ANKFN1: variants seen among roughly 807,000 people sequenced by gnomAD.
ANKFN1 encodes the protein ankyrin repeat and fibronectin type-III domain-containing protein 1.
A neutral mutation model predicts 108.7 loss-of-function variants in ANKFN1; 74 were observed. That is an observed-to-expected ratio of 0.68 (90% CI 0.56 to 0.83). The LOEUF is 0.83. Among genes scored for constraint, ANKFN1 ranks in the 40% least tolerant of loss-of-function variants. The pLI is 0.00. For missense variants in ANKFN1, 1,505 were observed against 1,382.3 expected (o/e 1.09, Z -1.41); for synonymous variants, 547 against 516.2 (o/e 1.06, Z -0.81).
At chr17:56,463,562 T>G (rs936452774) in intron 14 of ANKFN1, among the ~76,000 whole-genome samples, 3 of 152,248 alleles carry the variant, frequency 2.0e-5, no homozygotes, top group East Asian at 3.9e-4. Flanking sequence ...GCCCACATTG[T>G]TTTTCTTTCT....
chr17:56,165,667 T>G (rs577332277), intron 1 of ANKFN1, among the ~76,000 whole-genome samples: 1 of 152,064 alleles, frequency 6.6e-6, no homozygotes. Context: ...AGTTTTCATA[T>G]GGGTGTTTGG....
At chr17:56,401,373 G>GTATTGTATTGTATTGTA (rs1567974215) in intron 8 of ANKFN1, among the ~76,000 whole-genome samples, 31 of 23,742 alleles carry the variant, frequency 1.3e-3, no homozygotes, top group African/African-American at 1.9e-3. Context: ...ATTGTATTGT[G>GTATTGTATTGTATTGTA]TTGTGTTGTG....
chr17:56,086,632 G>C (rs1401615014), intron 4 of ANKFN1, among the ~76,000 whole-genome samples: 1 of 151,158 alleles, frequency 6.6e-6, no homozygotes, highest in African/African-American at 2.4e-5. Context: ...CCATATGTTG[G>C]AGATAATCCC....
At chr17:56,421,191 G>A (rs2048395954) in intron 8 of ANKFN1, among the ~76,000 whole-genome samples, 1 of 152,196 alleles carries the variant, frequency 6.6e-6, no homozygotes, top group Non-Finnish European at 1.5e-5. Context: ...CTCTGTGATA[G>A]CTAGGTTCAG....
chr17:56,146,808 C>T (rs570927034), intron 4 of ANKFN1, among the ~76,000 whole-genome samples: 18 of 152,316 alleles, frequency 1.2e-4, no homozygotes, highest in African/African-American at 4.1e-4. Flanking sequence ...ACATTTTCCT[C>T]GTTGTCTTGG....
rs142394570 is a variant in ANKFN1, at chr17:56,195,760, C to T, written c.-70-16838C>T. Among the ~76,000 whole-genome samples, 521 of 152,238 alleles carry T rather than the reference C, an allele frequency of 3.4e-3. 2 individuals are homozygous for T. Among genetic ancestry groups the T allele is most frequent in the Non-Finnish European group, 5.5e-3 (376 of 68,028 alleles). ...TATTATTCTCTTTGCTCTGCGAGTT[C>T]CTACAGCTTTTCAGCTTCCATTCCA... On this transcript the variant is annotated intron_variant, in intron 1 of 20. Coordinates refer to ENST00000682825, the MANE Select transcript of ANKFN1 (RefSeq NM_001370326.1).
In ANKFN1 at chr17:56,427,365, C is replaced by G. The variant is rs1402575382; in HGVS notation, c.911-12962C>G. Among the ~76,000 whole-genome samples, 6 of 152,078 alleles carry G rather than the reference C, an allele frequency of 3.9e-5. No homozygotes were observed. The East Asian group carries it at 1.2e-3, about 29-fold the overall frequency. ...AAGACTCCATAACATGAACCAGGCT[C>G]CAGTTATGGGCCAGCAATGTACACG... On this transcript the variant is annotated intron_variant, in intron 8 of 20. Transcript: ENST00000682825.
rs966958435 is a variant in ANKFN1 at position 56,511,756 on chromosome 17, G to A, written c.*487G>A. 1 of 154,182 alleles carries A rather than the reference G, an allele frequency of 6.5e-6. No homozygotes were observed. Among genetic ancestry groups the A allele is most frequent in the Admixed American group, 6.4e-5 (1 of 15,526 alleles). The allele number at this position is 154,182 out of a possible 1,614,324, so 9.6% of individuals were successfully genotyped here. A position where few individuals can be genotyped will look rare whatever the true frequency, so the allele number is the denominator to read the frequency against. Reference sequence around the variant, plus strand: ...GGAAAGACACCAGGTTGTGTCTCTAGGGCACGGGGTCAGGTGGGCTTGACC... The same window carrying A: ...GGAAAGACACCAGGTTGTGTCTCTAAGGCACGGGGTCAGGTGGGCTTGACC... On this transcript the variant is annotated 3_prime_UTR_variant, in exon 21 of 21. Transcript: ENST00000682825.
At chr17:56,346,381 TG>T (rs751012773) in intron 4 of ANKFN1, among the ~76,000 whole-genome samples, 26 of 152,224 alleles carry the variant, frequency 1.7e-4, no homozygotes, top group Non-Finnish European at 2.8e-4. Flanking sequence ...GGCTCTTTTT[TG>T]GTTCTAGATG....
Position 56,176,800 on chromosome 17 carries a change from C to T in ANKFN1, c.-71+23270C>T, listed in dbSNP as rs1472983885. On this transcript the variant is annotated intron_variant, in intron 1 of 20. Transcript: ENST00000682825. Reference sequence around the variant, plus strand: ...GTAGAGCCAGAAAGAGCTGAACACTCCAGCTTATGTTCTATTTTTCCTGTA... The same window carrying T: ...GTAGAGCCAGAAAGAGCTGAACACTTCAGCTTATGTTCTATTTTTCCTGTA... Among the ~76,000 whole-genome samples the T allele has an allele frequency of 1.3e-5, 2 of 152,258 alleles. 1 individual carries two copies. The highest frequency in any genetic ancestry group is 4.1e-4 in the South Asian group (2 of 4,822).
intron 3 of ANKFN1, among the ~76,000 whole-genome samples, chr17:56,284,769 T>G (rs1376974261): frequency 6.6e-6 from 1 of 152,160 alleles, no homozygotes; most frequent in African/African-American, 2.4e-5. Context: ...AACAGGGGTT[T>G]AGGAGTGTCG....
At chr17:56,154,768 A>G (rs1298277066) in intron 1 of ANKFN1, among the ~76,000 whole-genome samples, 1 of 152,126 alleles carries the variant, frequency 6.6e-6, no homozygotes, top group African/African-American at 2.4e-5. Flanking sequence ...GGCCAGGTAC[A>G]TTTGGGGGGC....
chr17:56,308,930 G>T (rs2044926897), intron 3 of ANKFN1, among the ~76,000 whole-genome samples: 1 of 151,912 alleles, frequency 6.6e-6, no homozygotes, highest in Non-Finnish European at 1.5e-5. Context: ...ACTTTGTCCT[G>T]GTATATAATT....
rs548795748 is a variant in ANKFN1, at chr17:56,295,224, C to T, written c.54-30997C>T. ...TTTGAAGTGGGCCCAATTCTTGAGA[C>T]GGTCATCCTTTCTAGTTGTATCACC... On this transcript the variant is annotated intron_variant, in intron 3 of 20. Transcript: ENST00000682825. Among the ~76,000 whole-genome samples, 413 of 152,272 alleles carry T rather than the reference C, an allele frequency of 2.7e-3. 4 individuals carry two copies. Among genetic ancestry groups the T allele is most frequent in the African/African-American group, 8.9e-3 (370 of 41,538 alleles).
At chr17:56,437,744 T>C (rs2048973765) in intron 8 of ANKFN1, among the ~76,000 whole-genome samples, 1 of 151,996 alleles carries the variant, frequency 6.6e-6, no homozygotes, top group Non-Finnish European at 1.5e-5. Context: ...TTTTGAAAAA[T>C]GGAAACATAC....
intron 3 of ANKFN1, among the ~76,000 whole-genome samples, chr17:56,230,694 G>A (rs554754247): frequency 6.6e-6 from 1 of 152,104 alleles, no homozygotes; most frequent in East Asian, 1.9e-4. Context: ...TCTTCTGGGT[G>A]GTATGGGTGA....
chr17:56,381,056 AC>A (rs2047088321), intron 8 of ANKFN1, among the ~76,000 whole-genome samples: 1 of 152,156 alleles, frequency 6.6e-6, no homozygotes, highest in African/African-American at 2.4e-5. Flanking sequence ...GCAGACTGAC[AC>A]CTCAAACGGC....
chr17:56,050,101 G>C (rs908114302), intron 4 of ANKFN1, among the ~76,000 whole-genome samples: 1 of 151,744 alleles, frequency 6.6e-6, no homozygotes, highest in African/African-American at 2.4e-5. Flanking sequence ...GTGTGAGATG[G>C]TATCTCATAG....
intron 3 of ANKFN1, among the ~76,000 whole-genome samples, chr17:56,267,276 G>A (rs186835648): frequency 1.3e-5 from 2 of 152,164 alleles, no homozygotes; most frequent in African/African-American, 4.8e-5. Context: ...AAATGAGGTT[G>A]TTGGATTTTT....
Sources: gnomAD v4.1 joint callset for allele counts (sites outside exome capture counted in the v4.1 genomes callset) on GRCh38, gnomAD v4.1.1 for gene constraint, MANE v1.5 for transcripts, NCBI Gene and HGNC (gene_info 2026-07-23, HGNC 2026-07-21) for gene names.